Variants in SOX6 observed in about 807,000 individuals in gnomAD.
SOX6 encodes the protein SRY-box transcription factor 6, also known as transcription factor SOX-6.
In SOX6, 11 loss-of-function variants were observed where a neutral mutation model predicts 97.8. That is an observed-to-expected ratio of 0.11 (90% CI 0.07 to 0.19). The LOEUF (loss-of-function observed/expected upper bound fraction) is 0.19, where lower values mean the gene tolerates loss of function less well. SOX6 is among the 10% of genes least tolerant of loss of function. The probability of loss-of-function intolerance (pLI) is 1.00; values close to 1 mark genes in which losing one functional copy is unlikely to be tolerated. For missense variants in SOX6, 810 were observed against 1,039.5 expected (o/e 0.78, Z 3.04); for synonymous variants, 360 against 371.4 (o/e 0.97, Z 0.35).
chr11:16,472,992 C>T (rs1399044830), intron 1 of SOX6, among the ~76,000 whole-genome samples: 2 of 152,176 alleles, frequency 1.3e-5, no homozygotes, highest in Non-Finnish European at 1.5e-5. Flanking sequence ...TGTAGGTTTA[C>T]ATCCACAGAG....
chr11:16,506,488 G>C (rs1376830514), intron 4 of SOX6, among the ~76,000 whole-genome samples: 2 of 152,300 alleles, frequency 1.3e-5, no homozygotes, highest in Non-Finnish European at 1.5e-5. Flanking sequence ...TCTCAGATCA[G>C]ACTTTGGACC....
intron 3 of SOX6, among the ~76,000 whole-genome samples, chr11:16,246,536 T>C (rs1360912589): frequency 3.3e-5 from 5 of 151,968 alleles, no homozygotes; most frequent in African/African-American, 1.2e-4. Flanking sequence ...GTTGCAATTT[T>C]TTTAGGACCT....
chr11:16,710,329 C>T (rs1590060338), intron 3 of SOX6, among the ~76,000 whole-genome samples: 1 of 152,092 alleles, frequency 6.6e-6, no homozygotes, highest in African/African-American at 2.4e-5. Context: ...TTAGAATAAC[C>T]CCACGTGAGA....
intron 4 of SOX6, among the ~76,000 whole-genome samples, chr11:16,549,795 A>G (rs1017214828): frequency 6.6e-6 from 1 of 152,190 alleles, no homozygotes; most frequent in Admixed American, 6.5e-5. Context: ...CTACAACAAC[A>G]TGGATAAATC....
At chr11:16,011,478 T>C (rs1854723945) in intron 13 of SOX6, among the ~76,000 whole-genome samples, 1 of 152,150 alleles carries the variant, frequency 6.6e-6, no homozygotes, top group Admixed American at 6.6e-5. Context: ...TTGCCTTTTA[T>C]ATTTTTAATT....
At chr11:16,647,513 C>T (rs542349728) in intron 3 of SOX6, among the ~76,000 whole-genome samples, 3 of 152,182 alleles carry the variant, frequency 2.0e-5, no homozygotes, top group African/African-American at 4.8e-5. Context: ...ACAGGGCTAA[C>T]GTGCAGCTCC....
chr11:16,372,538 T>C (rs966354795), intron 1 of SOX6, among the ~76,000 whole-genome samples: 4 of 152,104 alleles, frequency 2.6e-5, no homozygotes, highest in Non-Finnish European at 5.9e-5. Context: ...GGGTGGGACT[T>C]TGTTGGAAAG....
chr11:16,565,257 G>A (rs774269043), intron 4 of SOX6, among the ~76,000 whole-genome samples: 2 of 152,094 alleles, frequency 1.3e-5, no homozygotes, highest in Admixed American at 6.6e-5. Flanking sequence ...CACTCAATAT[G>A]AAATGACATA....
intron 4 of SOX6, among the ~76,000 whole-genome samples, chr11:16,197,887 T>G (rs1405094711): frequency 6.6e-6 from 1 of 152,218 alleles, no homozygotes; most frequent in Non-Finnish European, 1.5e-5. Context: ...AAGAAATTTC[T>G]AAGCCTCTAC....
chr11:16,563,794 T>A (rs1847840230), intron 4 of SOX6, among the ~76,000 whole-genome samples: 1 of 152,028 alleles, frequency 6.6e-6, no homozygotes, highest in African/African-American at 2.4e-5. Flanking sequence ...TCAAAGAAAT[T>A]CATGCAAAGA....
chr11:16,225,906 CT>C (rs1323341721), intron 4 of SOX6, among the ~76,000 whole-genome samples: 1 of 152,144 alleles, frequency 6.6e-6, no homozygotes, highest in East Asian at 1.9e-4. Flanking sequence ...CCATAATATG[CT>C]TGTACTATTT....
At chr11:16,594,684 C>CTTTTTTTTGTTTTTTTTTT (rs1848191262) in intron 4 of SOX6, among the ~76,000 whole-genome samples, 1 of 68,266 alleles carries the variant, frequency 1.5e-5, no homozygotes, top group Non-Finnish European at 2.4e-5. Flanking sequence ...TCGGTTTTTG[C>CTTTTTTTTGTTTTTTTTTT]TTTTTTTTTT....
At chr11:16,725,932 A>G (rs1848303447) in intron 2 of SOX6, among the ~76,000 whole-genome samples, 1 of 152,250 alleles carries the variant, frequency 6.6e-6, no homozygotes, top group Admixed American at 6.5e-5. Context: ...TGTTAAATAT[A>G]AAGTTAATTG....
intron 4 of SOX6, among the ~76,000 whole-genome samples, chr11:16,569,552 T>C (rs1411934553): frequency 6.6e-6 from 1 of 152,072 alleles, no homozygotes; most frequent in East Asian, 1.9e-4. Context: ...AACTGAATAG[T>C]TTCACCAAAA....
At chr11:16,232,136 G>A (rs1341511875) in intron 4 of SOX6, among the ~76,000 whole-genome samples, 1 of 151,758 alleles carries the variant, frequency 6.6e-6, no homozygotes, top group Non-Finnish European at 1.5e-5. Context: ...ATTCCTCAAA[G>A]ATATAATTTA....
chr11:16,478,942 C>T (rs75812254), upstream of SOX6, among the ~76,000 whole-genome samples: 1,303 of 152,290 alleles, frequency 8.6e-3, 21 homozygotes, highest in African/African-American at 0.029. Flanking sequence ...ATCCTCAGAA[C>T]GCCTAATCAC....
intron 1 of SOX6, among the ~76,000 whole-genome samples, chr11:16,341,926 T>C (rs1039664893): frequency 3.3e-5 from 5 of 152,044 alleles, no homozygotes; most frequent in Admixed American, 6.6e-5. Context: ...GAGTGGCTGA[T>C]ACTGTTAGAT....
chr11:16,371,531 A>C (rs1293801384), intron 1 of SOX6, among the ~76,000 whole-genome samples: 1 of 151,988 alleles, frequency 6.6e-6, no homozygotes, highest in Admixed American at 6.6e-5. Flanking sequence ...TTGAGGGCAG[A>C]GATTTCTGTT....
At chr11:16,001,174 C>T (rs997574131) in intron 13 of SOX6, among the ~76,000 whole-genome samples, 4 of 152,168 alleles carry the variant, frequency 2.6e-5, no homozygotes, top group South Asian at 2.1e-4. Context: ...TGGAAACAAA[C>T]ATTTCATTAA....
Sources: allele counts gnomAD v4.1 joint callset (sites outside exome capture counted in the v4.1 genomes callset), GRCh38; gene constraint gnomAD v4.1.1; transcripts MANE v1.5; gene names NCBI Gene and HGNC (gene_info 2026-07-23, HGNC 2026-07-21).